LOC128462377: variants seen among roughly 807,000 people sequenced by gnomAD.
the LOC128462377 span, among the ~76,000 whole-genome samples, chr16:89,359,503 C>G: frequency 6.6e-6 from 1 of 152,226 alleles, no homozygotes; most frequent in Non-Finnish European, 1.5e-5. Context: ...GATGGCAGCA[C>G]TGTGACCTCA....
the LOC128462377 span, among the ~76,000 whole-genome samples, chr16:89,384,879 C>CTTTCTTTTTTTTTTTT: frequency 6.0e-5 from 3 of 49,910 alleles, no homozygotes; most frequent in African/African-American, 1.6e-4. Flanking sequence ...AAATAGTTTT[C>CTTTCTTTTTTTTTTTT]TTTTTTTTTT....
chr16:89,347,676 C>T, the LOC128462377 span, among the ~76,000 whole-genome samples: 2 of 151,460 alleles, frequency 1.3e-5, no homozygotes, highest in African/African-American at 4.9e-5. Flanking sequence ...TCTATTTCTC[C>T]TTATCGGTTT....
the LOC128462377 span, among the ~76,000 whole-genome samples, chr16:89,363,774 AG>A: frequency 6.6e-6 from 1 of 152,228 alleles, no homozygotes; most frequent in Non-Finnish European, 1.5e-5. Flanking sequence ...GTGGAGTGCT[AG>A]CCCTATGCGG....
chr16:89,329,415 A>T, the LOC128462377 span, among the ~76,000 whole-genome samples: 1 of 152,206 alleles, frequency 6.6e-6, no homozygotes, highest in Non-Finnish European at 1.5e-5. Flanking sequence ...AAAGGGAGAA[A>T]AAACACAAGG....
chr16:89,328,153 A>G, the LOC128462377 span, among the ~76,000 whole-genome samples: 1 of 26,534 alleles, frequency 3.8e-5, no homozygotes, highest in Non-Finnish European at 9.8e-5. Flanking sequence ...CCGCAATGAG[A>G]TATTACTGCA....
the LOC128462377 span, among the ~76,000 whole-genome samples, chr16:89,396,797 C>T: frequency 6.6e-6 from 1 of 152,314 alleles, no homozygotes; most frequent in South Asian, 2.1e-4. Flanking sequence ...CGCCGTTCTC[C>T]TGCCTCAGCC....
chr16:89,368,010 C>CA, the LOC128462377 span, among the ~76,000 whole-genome samples: 4 of 151,734 alleles, frequency 2.6e-5, no homozygotes, highest in South Asian at 2.1e-4. Flanking sequence ...TCTCTCAAAA[C>CA]AAAAAACAAA....
At chr16:89,382,909 C>T in the LOC128462377 span, among the ~76,000 whole-genome samples, 3 of 152,320 alleles carry the variant, frequency 2.0e-5, no homozygotes, top group East Asian at 1.9e-4. Context: ...AGCATGATCT[C>T]GGCTCACTGC....
chr16:89,355,265 C>T, the LOC128462377 span, among the ~76,000 whole-genome samples: 120 of 150,302 alleles, frequency 8.0e-4, no homozygotes, highest in African/African-American at 2.8e-3. Flanking sequence ...GCTCGGAAGG[C>T]GGGCAGAGGG....
At chr16:89,334,171 A>G in the LOC128462377 span, among the ~76,000 whole-genome samples, 1 of 144,610 alleles carries the variant, frequency 6.9e-6, no homozygotes, top group South Asian at 2.2e-4. Context: ...AAAAAAAAAA[A>G]AACAGAGAGA....
the LOC128462377 span, among the ~76,000 whole-genome samples, chr16:89,355,124 C>T: frequency 6.6e-6 from 1 of 152,200 alleles, no homozygotes; most frequent in African/African-American, 2.4e-5. Context: ...GCCCTGTGGT[C>T]TCCCGTCTGG....
At chr16:89,321,090 G>A in the LOC128462377 span, 3 of 152,594 alleles carry the variant, frequency 2.0e-5, no homozygotes, top group African/African-American at 7.2e-5. Flanking sequence ...GAACCATCCA[G>A]GCACCGCGCC....
chr16:89,356,804 A>G, the LOC128462377 span, among the ~76,000 whole-genome samples: 1 of 148,408 alleles, frequency 6.7e-6, no homozygotes, highest in South Asian at 2.1e-4. Flanking sequence ...AAGAAAAAAG[A>G]AAAAAAAAGA....
At chr16:89,318,042 T>C in the LOC128462377 span, among the ~76,000 whole-genome samples, 1 of 152,202 alleles carries the variant, frequency 6.6e-6, no homozygotes, top group Admixed American at 6.5e-5. Flanking sequence ...CCCGTCCCTC[T>C]CTTTCTGCAG....
At chr16:89,341,301 A>T in the LOC128462377 span, among the ~76,000 whole-genome samples, 7 of 152,194 alleles carry the variant, frequency 4.6e-5, no homozygotes, top group East Asian at 1.3e-3. Flanking sequence ...ACACCACAGG[A>T]TTTTTCGTTT....
At chr16:89,336,762 C>G in the LOC128462377 span, among the ~76,000 whole-genome samples, 1 of 152,128 alleles carries the variant, frequency 6.6e-6, no homozygotes, top group South Asian at 2.1e-4. Flanking sequence ...GTTCTGACTA[C>G]ATGAGAGATG....
At chr16:89,349,152 A>AAAAAAAAAAAAAAAAAAAAAAAT in the LOC128462377 span, among the ~76,000 whole-genome samples, 1 of 143,930 alleles carries the variant, frequency 6.9e-6, no homozygotes, top group African/African-American at 2.5e-5. Context: ...AAAAAAAAAA[A>AAAAAAAAAAAAAAAAAAAAAAAT]AAAAAAAAAG....
the LOC128462377 span, among the ~76,000 whole-genome samples, chr16:89,330,758 G>A: frequency 6.8e-6 from 1 of 146,214 alleles, no homozygotes; most frequent in Admixed American, 7.2e-5. Flanking sequence ...TCCTCGGCGA[G>A]TTCCAACCTC....
chr16:89,402,261 C>T, the LOC128462377 span, among the ~76,000 whole-genome samples: 2 of 152,170 alleles, frequency 1.3e-5, no homozygotes, highest in South Asian at 2.1e-4. Context: ...CTACACGTGA[C>T]GTACGCCAGT....
Sources: gnomAD v4.1 joint callset for allele counts (sites outside exome capture counted in the v4.1 genomes callset) on GRCh38, gnomAD v4.1.1 for gene constraint, MANE v1.5 for transcripts.